Variants in CDYL2 observed in about 807,000 individuals in gnomAD.
CDYL2 encodes chromodomain Y like 2.
A neutral mutation model predicts 49.4 loss-of-function variants in CDYL2; 23 were observed. The ratio of observed to expected loss-of-function variants is 0.47; its 90% CI spans 0.34 to 0.66. The LOEUF is 0.66. CDYL2 is among the 30% of genes least tolerant of loss of function. CDYL2 has a pLI of 0.01. For missense variants in CDYL2, 678 were observed against 656.4 expected, an observed-to-expected ratio of 1.03 and a Z score of -0.36; for synonymous variants, 360 against 268.8, an observed-to-expected ratio of 1.34 and a Z score of -3.32.
Position 80,612,787 on chromosome 16 carries a change from T to C in CDYL2, c.1057A>G (p.Ile353Val). 6.2e-7 allele frequency: 1 copy of C among 1,613,934 alleles called. No individual in the cohort carries two copies. The highest frequency in any genetic ancestry group is 8.5e-7 in the Non-Finnish European group (1 of 1,180,008). ...CCCAGGCCCAGGGCCGGCCCATTGA[T>C]GGCCACCACGATAGGCTTCTTAAAC... ...IQFKKPIVVA[I>V]NGPALGLGAS... The change falls in exon 5 of 7, where the codon ATC becomes GTC. Residue 353 changes from isoleucine to valine, a missense_variant. Physicochemically the swap from Ile to Val is conservative, Grantham distance 29. Around this residue, in one of 3 missense-constraint regions of CDYL2, gnomAD observed 47 missense variants for 78.8 expected, o/e 0.60. Coordinates refer to ENST00000570137, the MANE Select transcript of CDYL2 (RefSeq NM_152342.4). The surrounding 1 kb of genome is among the most constrained non-coding windows in gnomAD (Gnocchi z 5.0).
chr16:80,750,337 T>C (rs2142562105), intron 1 of CDYL2, among the ~76,000 whole-genome samples: 1 of 151,440 alleles, frequency 6.6e-6, no homozygotes, highest in African/African-American at 2.4e-5. Context: ...GATAAAATGA[T>C]TAATTTTAAA....
At chr16:80,762,063 G>C (rs1906551354) in intron 1 of CDYL2, among the ~76,000 whole-genome samples, 1 of 151,956 alleles carries the variant, frequency 6.6e-6, no homozygotes, top group Non-Finnish European at 1.5e-5. Context: ...GTACACAACA[G>C]TAGTCCCAGG....
intron 4 of CDYL2, among the ~76,000 whole-genome samples, chr16:80,615,880 C>T (rs934822321): frequency 3.0e-4 from 46 of 152,308 alleles, no homozygotes; most frequent in South Asian, 4.1e-4. Context: ...TCTCTCACCT[C>T]GGGCAGTAGA....
intron 2 of CDYL2, among the ~76,000 whole-genome samples, chr16:80,681,756 C>T (rs916218492): frequency 6.6e-6 from 1 of 152,218 alleles, no homozygotes; most frequent in Non-Finnish European, 1.5e-5. Flanking sequence ...TCCATGGAGC[C>T]AGCCTCGGGC....
At chr16:80,772,394 G>C (rs1397629555) in intron 1 of CDYL2, among the ~76,000 whole-genome samples, 1 of 152,156 alleles carries the variant, frequency 6.6e-6, no homozygotes, top group South Asian at 2.1e-4. Flanking sequence ...GACAAATGTG[G>C]ATAAACTGGA....
At chr16:80,740,023 G>A (rs1274633033) in intron 1 of CDYL2, among the ~76,000 whole-genome samples, 2 of 152,162 alleles carry the variant, frequency 1.3e-5, no homozygotes, top group Non-Finnish European at 1.5e-5. Context: ...GAGGGTGGTG[G>A]GTGCCAGAGG....
intron 1 of CDYL2, among the ~76,000 whole-genome samples, chr16:80,713,145 T>C (rs1904677943): frequency 1.3e-5 from 2 of 152,278 alleles, no homozygotes; most frequent in Admixed American, 6.5e-5. Flanking sequence ...CTGCAGTCTA[T>C]GGCTTTTTCT....
In CDYL2 at chr16:80,664,872, G is replaced by T. The variant is rs1171381127; in HGVS notation, c.616+19666C>A. Among the ~76,000 whole-genome samples, 536 of 152,276 alleles carry T rather than the reference G, an allele frequency of 3.5e-3. 3 individuals are homozygous for T. Among genetic ancestry groups the T allele is most frequent in the Admixed American group, 6.1e-3 (94 of 15,300 alleles). On this transcript the variant is annotated intron_variant, in intron 2 of 6. Transcript: ENST00000570137. ...ACCCTCCCTGCTAGGATTAACTGAG[G>T]AACTGCCAGTGCTAGCAAGAGGGTT...
chr16:80,618,836 G>A (rs969334236), intron 4 of CDYL2, among the ~76,000 whole-genome samples: 1 of 152,226 alleles, frequency 6.6e-6, no homozygotes, highest in Non-Finnish European at 1.5e-5. Context: ...GTCAGGATGG[G>A]CCCTTGCCTA....
rs765782903 is a variant in CDYL2 at position 80,602,873 on chromosome 16, C to T, written c.*1515G>A. ...CATGGTTTAAACCTCACGCAGAACACATCCCTTCCATTTGTCTGCTCTCAA... is the reference window on the plus strand; with the variant it reads ...CATGGTTTAAACCTCACGCAGAACATATCCCTTCCATTTGTCTGCTCTCAA... On this transcript the variant is annotated 3_prime_UTR_variant, in exon 7 of 7. Coordinates refer to ENST00000570137, the MANE Select transcript of CDYL2 (RefSeq NM_152342.4). 9 of 150,748 alleles carry T rather than the reference C, an allele frequency of 6.0e-5. No homozygotes were observed. The highest frequency in any genetic ancestry group is 4.9e-5 in the African/African-American group (2 of 40,508). The allele number at this position is 150,748 out of a possible 1,614,324, so 9.3% of individuals were successfully genotyped here. A position where few individuals can be genotyped will look rare whatever the true frequency, so the allele number is the denominator to read the frequency against.
At chr16:80,790,757 G>T (rs907173534) in intron 1 of CDYL2, among the ~76,000 whole-genome samples, 1 of 152,114 alleles carries the variant, frequency 6.6e-6, no homozygotes, top group African/African-American at 2.4e-5. Flanking sequence ...CAGTCAGGGG[G>T]GTAGGTCTCA....
intron 1 of CDYL2, among the ~76,000 whole-genome samples, chr16:80,721,181 A>G (rs1023330282): frequency 6.6e-6 from 1 of 152,170 alleles, no homozygotes; most frequent in Non-Finnish European, 1.5e-5. Flanking sequence ...TAAGAGTGCT[A>G]AGAAACTAAT....
At chr16:80,637,995 G>A (rs938447516) in intron 2 of CDYL2, among the ~76,000 whole-genome samples, 1 of 152,200 alleles carries the variant, frequency 6.6e-6, no homozygotes, top group Non-Finnish European at 1.5e-5. Flanking sequence ...AGAGCCATAT[G>A]TGAAAAATTG....
At chr16:80,770,885 T>C (rs113555593) in intron 1 of CDYL2, among the ~76,000 whole-genome samples, 9 of 152,258 alleles carry the variant, frequency 5.9e-5, no homozygotes, top group African/African-American at 2.2e-4. Flanking sequence ...AGCCAAGATC[T>C]GGGAGAAAAC....
chr16:80,663,194 T>C (rs1308962916), intron 2 of CDYL2, among the ~76,000 whole-genome samples: 1 of 151,496 alleles, frequency 6.6e-6, no homozygotes, highest in Non-Finnish European at 1.5e-5. Context: ...CTTATCATCT[T>C]GGGGAGCAGA....
At chr16:80,792,538 G>A (rs972887381) in intron 1 of CDYL2, among the ~76,000 whole-genome samples, 2 of 152,132 alleles carry the variant, frequency 1.3e-5, no homozygotes, top group Non-Finnish European at 2.9e-5. Context: ...GCTGCAACAA[G>A]AAGCTGCAAA....
Position 80,804,219 on chromosome 16 carries a change from C to T in CDYL2, c.-46G>A. ...TCGCCGGTGTGCGCGTCTGCTCGCT[C>T]GCGCCCTCCGTGCGTGTGCGCGCGG... On this transcript the variant is annotated 5_prime_UTR_variant, in exon 1 of 7. Coordinates refer to ENST00000570137, the MANE Select transcript of CDYL2 (RefSeq NM_152342.4). 5.2e-6 allele frequency: 7 copies of T among 1,338,672 alleles called. No homozygotes were observed. The highest frequency in any genetic ancestry group is 6.9e-6 in the Non-Finnish European group (7 of 1,017,774). The allele number at this position is 1,338,672 out of a possible 1,614,324, so 82.9% of individuals were successfully genotyped here. A position where few individuals can be genotyped will look rare whatever the true frequency, so the allele number is the denominator to read the frequency against.
chr16:80,657,939 C>T (rs1330832154), intron 2 of CDYL2, among the ~76,000 whole-genome samples: 2 of 151,786 alleles, frequency 1.3e-5, no homozygotes, highest in East Asian at 1.9e-4. Context: ...TACGATGCAC[C>T]CACACAATAG....
intron 2 of CDYL2, among the ~76,000 whole-genome samples, chr16:80,656,285 C>A (rs1278993535): frequency 2.6e-5 from 4 of 152,252 alleles, no homozygotes; most frequent in African/African-American, 9.6e-5. Flanking sequence ...AATCATGCCT[C>A]TCCTACTCCC....
Sources: gnomAD v4.1 joint callset for allele counts (sites outside exome capture counted in the v4.1 genomes callset) on GRCh38, gnomAD v4.1.1 for gene constraint, gnomAD v4.1.1 regional missense constraint, Gnocchi (gnomAD v3.1) non-coding constraint, MANE v1.5 for transcripts, NCBI Gene and HGNC (gene_info 2026-07-23, HGNC 2026-07-21) for gene names.